NCOR2: variants seen among roughly 807,000 people sequenced by gnomAD.
The protein encoded by NCOR2 is nuclear receptor corepressor 2, also known as CTG repeat protein 26.
In NCOR2, 81 loss-of-function variants were observed where a neutral mutation model predicts 262.9. The observed-to-expected ratio is 0.31, with a 90% CI of 0.26 to 0.37. The LOEUF (loss-of-function observed/expected upper bound fraction) is 0.37. Among genes scored for constraint, NCOR2 ranks in the 10% least tolerant of loss-of-function variants. The probability of loss-of-function intolerance (pLI) is 1.00; values close to 1 mark genes in which losing one functional copy is unlikely to be tolerated. For missense variants in NCOR2, 3,385 were observed against 3,621.4 expected, an observed-to-expected ratio of 0.93 and a Z score of 1.68; for synonymous variants, 1,659 against 1,559.3, an observed-to-expected ratio of 1.06 and a Z score of -1.51.
upstream of NCOR2, chr12:124,495,274 C>A: frequency 6.2e-7 from 1 of 1,604,852 alleles, no homozygotes; most frequent in Non-Finnish European, 8.5e-7. This position sits in a 1 kb window ranked among gnomAD's most constrained non-coding sequence, Gnocchi z 4.4. Context: ...CGGCGGGGAG[C>A]TGCTCCCAGG....
At chr12:124,496,980 C>T (rs933129967), upstream of NCOR2, among the ~76,000 whole-genome samples, 1 of 152,224 alleles carries the variant, frequency 6.6e-6, no homozygotes, top group African/African-American at 2.4e-5. This position sits in a 1 kb window ranked among gnomAD's most constrained non-coding sequence, Gnocchi z 4.4. Context: ...GACCCACGCC[C>T]ACCGGCAGGA....
At chr12:124,438,926 G>C (rs2136420577) in intron 7 of NCOR2, among the ~76,000 whole-genome samples, 1 of 132,832 alleles carries the variant, frequency 7.5e-6, no homozygotes, top group African/African-American at 2.8e-5. Flanking sequence ...GAGAGAGACG[G>C]AGACCCAGAG....
chr12:124,422,192 G>A (rs1213144049), intron 12 of NCOR2, among the ~76,000 whole-genome samples: 1 of 152,246 alleles, frequency 6.6e-6, no homozygotes, highest in Non-Finnish European at 1.5e-5. Flanking sequence ...GAGCTGGCAG[G>A]AGACCCGTCG....
At chr12:124,363,839 C>G in intron 20 of NCOR2, 40 bp from the exon 23 acceptor site, 1 of 1,317,116 alleles carries the variant, frequency 7.6e-7, no homozygotes, top group Non-Finnish European at 9.7e-7. Context: ...GGCCCACAGC[C>G]GGACTCTCCC....
chr12:124,511,472 T>C (rs1027606296), intron 1 of NCOR2, among the ~76,000 whole-genome samples: 3 of 152,162 alleles, frequency 2.0e-5, no homozygotes, highest in Non-Finnish European at 4.4e-5. Flanking sequence ...GGGGGATGAG[T>C]GCAACCCGGG....
At chr12:124,423,778 C>A (rs2043364964) in intron 11 of NCOR2, among the ~76,000 whole-genome samples, 1 of 152,240 alleles carries the variant, frequency 6.6e-6, no homozygotes, top group Admixed American at 6.5e-5. Flanking sequence ...CTCAATACCT[C>A]ACTTGCACCC....
intron 1 of NCOR2, among the ~76,000 whole-genome samples, chr12:124,525,205 A>G (rs2050399803): frequency 6.6e-6 from 1 of 152,154 alleles, no homozygotes; most frequent in Admixed American, 6.5e-5. Context: ...GCATGCCTGA[A>G]ACATGGTGGC....
chr12:124,364,423 C>T (rs956626882), intron 20 of NCOR2, among the ~76,000 whole-genome samples: 9 of 152,224 alleles, frequency 5.9e-5, no homozygotes, highest in Admixed American at 5.2e-4. Flanking sequence ...ACACTATCCA[C>T]GAAGGACGAG....
intron 44 of NCOR2, among the ~76,000 whole-genome samples, chr12:124,330,396 G>C (rs577785246): frequency 1.2e-4 from 18 of 152,358 alleles, no homozygotes; most frequent in Non-Finnish European, 1.6e-4. Context: ...ACCTGTATTT[G>C]ATCTTGAAAG....
chr12:124,369,557 G>A lies in NCOR2; in HGVS notation c.2807+2465C>T, dbSNP rs904911628. Among the ~76,000 whole-genome samples the A allele has an allele frequency of 9.2e-5, 14 of 152,176 alleles. No individual in the cohort carries two copies. In the South Asian group the frequency reaches 2.5e-3, roughly 27 times the overall value. On this transcript the variant is annotated intron_variant, in intron 20 of 46. Transcript: ENST00000405201. ...ATCTCGTCCGCGTCCTCCAGCGTCC[G>A]CCCGGCCCTGCGCAGTCGTGGCCGG...
intron 20 of NCOR2, among the ~76,000 whole-genome samples, chr12:124,366,043 G>A (rs2039009783): frequency 6.6e-6 from 1 of 152,196 alleles, no homozygotes; most frequent in African/African-American, 2.4e-5. Flanking sequence ...TTGGAAAGCA[G>A]TCGGTGAGCC....
intron 13 of NCOR2, among the ~76,000 whole-genome samples, chr12:124,419,639 C>T (rs992083835): frequency 2.0e-5 from 3 of 152,344 alleles, no homozygotes; most frequent in Admixed American, 6.5e-5. Flanking sequence ...AGCCTTTTTA[C>T]GCACAGAGAT....
At chr12:124,515,991 C>T (rs566140774) in intron 1 of NCOR2, among the ~76,000 whole-genome samples, 2 of 152,264 alleles carry the variant, frequency 1.3e-5, no homozygotes, top group East Asian at 1.9e-4. Flanking sequence ...GGGGCAGCCA[C>T]GACACAGCTC....
intron 42 of NCOR2, among the ~76,000 whole-genome samples, chr12:124,332,683 G>T (rs2035307819): frequency 6.6e-6 from 1 of 152,132 alleles, no homozygotes; most frequent in Non-Finnish European, 1.5e-5. Context: ...GAGACGCCTG[G>T]CTGCGTGGTG....
chr12:124,326,447 C>T, intron 45 of NCOR2, 77 bp from the exon 48 acceptor site: 1 of 1,345,100 alleles, frequency 7.4e-7, no homozygotes, highest in Non-Finnish European at 9.6e-7. Context: ...GCCACAGGGG[C>T]AGGGTGAGGT....
At chr12:124,386,365 C>T (rs914321180) in intron 16 of NCOR2, among the ~76,000 whole-genome samples, 1 of 152,052 alleles carries the variant, frequency 6.6e-6, no homozygotes, top group African/African-American at 2.4e-5. Context: ...GCCACACCGG[C>T]CCAGCGAAAG....
chr12:124,507,916 G>A (rs144902166), intron 1 of NCOR2, among the ~76,000 whole-genome samples: 270 of 152,262 alleles, frequency 1.8e-3, no homozygotes, highest in African/African-American at 5.2e-3. Context: ...GCCTCCTCCC[G>A]CTTCTCCTCC....
chr12:124,359,901 T>C (rs923386564), intron 22 of NCOR2, among the ~76,000 whole-genome samples: 1 of 152,180 alleles, frequency 6.6e-6, no homozygotes, highest in African/African-American at 2.4e-5. Context: ...TGTGTGTCCC[T>C]GCGGGAGCTG....
At chr12:124,395,612 C>T (rs935574406) in intron 16 of NCOR2, among the ~76,000 whole-genome samples, 10 of 152,178 alleles carry the variant, frequency 6.6e-5, no homozygotes, top group African/African-American at 2.4e-4. Flanking sequence ...CATCCCCAGC[C>T]GTCCTCCCAG....
Sources: gnomAD v4.1 joint callset for allele counts (sites outside exome capture counted in the v4.1 genomes callset) on GRCh38, gnomAD v4.1.1 for gene constraint, Gnocchi (gnomAD v3.1) non-coding constraint, MANE v1.5 for transcripts, NCBI Gene and HGNC (gene_info 2026-07-23, HGNC 2026-07-21) for gene names.